GABRR1: variants seen among roughly 807,000 people sequenced by gnomAD.
GABRR1 encodes gamma-aminobutyric acid type A receptor subunit rho1.
Under a neutral mutation model 55.5 loss-of-function variants are expected in GABRR1, and 59 were observed. The observed-to-expected ratio is 1.06, with a 90% CI of 0.86 to 1.32. The LOEUF is 1.32. GABRR1 is among the 40% of genes most tolerant of loss of function. GABRR1 has a pLI of 0.00. For synonymous variants in GABRR1, 213 were observed against 226.0 expected, an observed-to-expected ratio of 0.94 and a Z score of 0.51; for missense variants, 602 against 619.1, an observed-to-expected ratio of 0.97 and a Z score of 0.29.
intron 1 of GABRR1, among the ~76,000 whole-genome samples, chr6:89,210,603 C>T (rs1350858057): frequency 6.6e-6 from 1 of 152,156 alleles, no homozygotes; most frequent in Non-Finnish European, 1.5e-5. Flanking sequence ...ATTTTGCTTA[C>T]CATTGCCTCC....
intron 1 of GABRR1, among the ~76,000 whole-genome samples, chr6:89,206,480 C>T (rs982774860): frequency 1.3e-5 from 2 of 152,166 alleles, no homozygotes; most frequent in African/African-American, 4.8e-5. Context: ...AGATAAAATG[C>T]CACCTCCTCC....
chr6:89,228,725 A>G (rs1405386908), intron 1 of GABRR1, among the ~76,000 whole-genome samples: 2 of 145,740 alleles, frequency 1.4e-5, no homozygotes, highest in East Asian at 2.0e-4. Context: ...GTGGTGCTGA[A>G]AAAAATGTAT....
chr6:89,203,764 A>G (rs72919702), intron 1 of GABRR1, among the ~76,000 whole-genome samples: 1 of 152,324 alleles, frequency 6.6e-6, no homozygotes, highest in Non-Finnish European at 1.5e-5. Flanking sequence ...CGTGAAATGG[A>G]CGCCATTCTT....
rs559782429 is a variant in GABRR1, at chr6:89,197,605, C to A, written c.572+415G>T. ...TCCCCATAGTTTCTCAAGTAGGACA[C>A]TACGGAGAGAAAGGAGAGAAAACAT... On this transcript the variant is annotated intron_variant, in intron 5 of 9. Transcript: ENST00000454853. Among the ~76,000 whole-genome samples the A allele has an allele frequency of 1.1e-4, 16 of 152,348 alleles. 1 individual carries two copies. The South Asian group carries it at 3.3e-3, about 32-fold the overall frequency.
At chr6:89,179,127 G>A in intron 9 of GABRR1, 64 bp from the exon 10 acceptor site, 1 of 1,511,558 alleles carries the variant, frequency 6.6e-7, no homozygotes. Flanking sequence ...CCCTTCAAAA[G>A]GAACTGCATA....
chr6:89,221,961 G>A (rs1773121102), upstream of GABRR1, among the ~76,000 whole-genome samples: 1 of 152,218 alleles, frequency 6.6e-6, no homozygotes, highest in Non-Finnish European at 1.5e-5. Context: ...GCTTAGAGGT[G>A]AGTGGTCCAG....
At chr6:89,191,236 G>A (rs1193470258) in intron 5 of GABRR1, among the ~76,000 whole-genome samples, 2 of 152,184 alleles carry the variant, frequency 1.3e-5, no homozygotes, top group Admixed American at 1.3e-4. Flanking sequence ...CCAGCAGCTG[G>A]GTGGTCTTAT....
At chr6:89,183,402 T>G (rs943122182) in intron 7 of GABRR1, among the ~76,000 whole-genome samples, 1 of 152,182 alleles carries the variant, frequency 6.6e-6, no homozygotes. Context: ...TAATATGTGC[T>G]GGGTTGTAGT....
chr6:89,230,051 G>T (rs1379424465), intron 1 of GABRR1, among the ~76,000 whole-genome samples: 2 of 128,602 alleles, frequency 1.6e-5, no homozygotes, highest in African/African-American at 5.9e-5. Context: ...CCAGTTGATC[G>T]CATCGGCTCC....
At chr6:89,195,483 T>C (rs1772234882) in intron 5 of GABRR1, among the ~76,000 whole-genome samples, 1 of 151,292 alleles carries the variant, frequency 6.6e-6, no homozygotes, top group Non-Finnish European at 1.5e-5. Flanking sequence ...AAAGCTCCAA[T>C]TTGTCTGGCA....
Position 89,230,440 on chromosome 6 carries a change from C to T in GABRR1, c.-411+776G>A, listed in dbSNP as rs1176965610. Reference sequence around the variant, plus strand: ...TGATGGTGATGTACAGATGGGTTTTCGGTGTGGATGTCCTTTCTGTTTGTT... The same window carrying T: ...TGATGGTGATGTACAGATGGGTTTTTGGTGTGGATGTCCTTTCTGTTTGTT... On this transcript the variant is annotated intron_variant, in intron 1 of 11. Coordinates refer to the GABRR1 transcript ENST00000369451. Among the ~76,000 whole-genome samples, 86 of 146,834 alleles carry T rather than the reference C, an allele frequency of 5.9e-4. No homozygotes were observed. In the East Asian group the frequency reaches 6.6e-3, roughly 11 times the overall value.
At chr6:89,182,187 G>C (rs1382784899) in intron 7 of GABRR1, 130 bp from the exon 8 acceptor site, 1 of 826,616 alleles carries the variant, frequency 1.2e-6, no homozygotes, top group Non-Finnish European at 1.8e-6. Context: ...GTGAAATTGA[G>C]AGAAATCATG....
upstream of GABRR1, among the ~76,000 whole-genome samples, chr6:89,219,263 G>A (rs181662283): frequency 1.5e-4 from 23 of 152,152 alleles, no homozygotes; most frequent in Admixed American, 7.2e-4. Context: ...ATGAAACTCC[G>A]TCCCAAAAAA....
rs1405493822 is a variant in GABRR1, at chr6:89,177,508, G to A, written c.*1262C>T. 1 of 152,098 alleles carries A rather than the reference G, an allele frequency of 6.6e-6. No individual in the cohort carries two copies. The highest frequency in any genetic ancestry group is 1.9e-4 in the East Asian group (1 of 5,198). 9.4% of individuals were successfully genotyped at this position (152,098 alleles called of 1,614,324 possible). ...TTTGAAATGAAAATGACATTATTGTGTATATAATTCACTTTATTAAAGTGA... is the reference window on the plus strand; with the variant it reads ...TTTGAAATGAAAATGACATTATTGTATATATAATTCACTTTATTAAAGTGA... On this transcript the variant is annotated 3_prime_UTR_variant, in exon 10 of 10. Coordinates refer to ENST00000454853, the MANE Select transcript of GABRR1 (RefSeq NM_002042.5).
chr6:89,180,303 G>A lies in GABRR1; in HGVS notation c.1135C>T (p.Leu379=). The change falls in exon 9 of 10, where the codon CTG becomes TTG. Residue 379 remains leucine, a synonymous_variant. Transcript: ENST00000454853. The stretch of plus-strand genomic sequence containing the variant: ...CATGGCAAAGTCACCTTCTCCCGCA[G>A]CTTCTGTTCCTTCCTCTCCTGCACA... ...TTVQERKEQK[L]REKLPCTSGL... 6.2e-7 allele frequency: 1 copy of A among 1,613,210 alleles called. No homozygotes were observed. Among genetic ancestry groups the A allele is most frequent in the Non-Finnish European group, 8.5e-7 (1 of 1,179,738 alleles).
chr6:89,178,913 T>C lies in GABRR1; in HGVS notation c.1297A>G (p.Arg433Gly). 2.5e-6 allele frequency: 4 copies of C among 1,614,202 alleles called. No individual in the cohort carries two copies. The highest frequency in any genetic ancestry group is 3.4e-6 in the Non-Finnish European group (4 of 1,180,030). ...TGACTTTTCCTCTGTGGGGAGCTCC[T>C]CTCTGAGGCCAGGGTCAGCTGCACC... ...MMVQLTLASE[R>G]SSPQRKSQRS... Residue 433 changes from arginine (R) to glycine (G), a missense_variant, in exon 10 of 10, where the codon AGG becomes GGG. This residue lies in a region of GABRR1 where 139 missense variants were observed against 141.1 expected (regional missense o/e 0.99). Transcript: ENST00000454853.
chr6:89,217,474 C>T (rs1773025364), upstream of GABRR1: 1 of 779,110 alleles, frequency 1.3e-6, no homozygotes, highest in Non-Finnish European at 2.0e-6. Context: ...ATCTGGAGAG[C>T]AGGAGAAAGC....
rs1771740310 is a variant in GABRR1 at position 89,181,991 on chromosome 6, GT to G, written c.862del (p.Thr288LeufsTer7). ...GACCATCAGGGTAGCGGGGAAATAA[GT>G]TTGGAGCAAGAAGAAGAAGATGTGG... ...RRHIFFFLLQ[T>X]YFPATLMVML... On this transcript the variant is annotated frameshift_variant, in exon 8 of 10. Coordinates refer to ENST00000454853, the MANE Select transcript of GABRR1 (RefSeq NM_002042.5). LOFTEE classifies it high-confidence loss of function. The G allele has an allele frequency of 6.2e-7, 1 of 1,614,054 alleles. No homozygotes were observed. The highest frequency in any genetic ancestry group is 8.5e-7 in the Non-Finnish European group (1 of 1,180,036).
At chr6:89,225,641 C>T (rs1773189016) in intron 1 of GABRR1, among the ~76,000 whole-genome samples, 1 of 120,952 alleles carries the variant, frequency 8.3e-6, no homozygotes. Context: ...ATATGTGCCA[C>T]ATTTTCTTAA....
Sources: allele counts gnomAD v4.1 joint callset (sites outside exome capture counted in the v4.1 genomes callset), GRCh38; gene constraint gnomAD v4.1.1; regional missense constraint gnomAD v4.1.1; transcripts MANE v1.5; gene names NCBI Gene and HGNC (gene_info 2026-07-23, HGNC 2026-07-21).